COL5A1: variants seen among roughly 807,000 people sequenced by gnomAD.
COL5A1 encodes the protein collagen type V alpha 1 chain, also known as collagen alpha-1(V) chain.
A neutral mutation model predicts 263.7 loss-of-function variants in COL5A1; 16 were observed. The ratio of observed to expected loss-of-function variants is 0.06; its 90% CI spans 0.04 to 0.09. The LOEUF is 0.09. COL5A1 is among the 10% of genes least tolerant of loss of function. The pLI is 1.00. For missense variants in COL5A1, 2,036 were observed against 2,540.5 expected (o/e 0.80, Z 4.27); for synonymous variants, 1,012 against 1,004.5 (o/e 1.01, Z -0.14).
In COL5A1 at chr9:134,789,793, C is replaced by T. The variant is rs72774460; in HGVS notation, c.2700+585C>T. On this transcript the variant is annotated intron_variant, in intron 32 of 65. Transcript: ENST00000371817. This position sits in a 1 kb window ranked among gnomAD's most constrained non-coding sequence, Gnocchi z 4.8. ...TTCTCCCTGCACCTTCTGGAGCCCC[C>T]GCTGGCCCAGGCCTCCCTGCAGGAG... is the stretch of plus-strand genomic sequence containing the variant. 0.065 allele frequency among the ~76,000 whole-genome samples: 9,854 copies of T among 152,254 alleles called. 593 individuals carry two copies. Among genetic ancestry groups the T allele is most frequent in the African/African-American group, 0.16 (6,597 of 41,514 alleles).
chr9:134,764,476 A>G (rs1344744417), intron 20 of COL5A1, among the ~76,000 whole-genome samples: 1 of 152,008 alleles, frequency 6.6e-6, no homozygotes, highest in Non-Finnish European at 1.5e-5. Flanking sequence ...CCACCCTTCC[A>G]GAGGCAGATT....
Position 134,758,143 on chromosome 9 carries a change from C to T in COL5A1, c.1882-100C>T, listed in dbSNP as rs558143846. 45 of 1,204,726 alleles carry T rather than the reference C, an allele frequency of 3.7e-5. No individual in the cohort carries two copies. Among genetic ancestry groups the T allele is most frequent in the South Asian group, 2.2e-4 (18 of 82,640 alleles). 74.6% of individuals were successfully genotyped at this position (1,204,726 alleles called of 1,614,324 possible). On this transcript the variant is annotated intron_variant, in intron 17 of 65. Transcript: ENST00000371817. This position sits in a 1 kb window ranked among gnomAD's most constrained non-coding sequence, Gnocchi z 4.1. Reference sequence around the variant, plus strand: ...CAGGGTGCATAGATGCTGTGTGAAACGTGGTCCAAGGCGGGGCGGCCATCA... The same window carrying T: ...CAGGGTGCATAGATGCTGTGTGAAATGTGGTCCAAGGCGGGGCGGCCATCA...
At chr9:134,746,448 G>A (rs1835515970) in intron 11 of COL5A1, among the ~76,000 whole-genome samples, 1 of 152,234 alleles carries the variant, frequency 6.6e-6, no homozygotes, top group Non-Finnish European at 1.5e-5. Context: ...AAGAGGCCTT[G>A]TGCCTCTCCC....
chr9:134,808,159 G>A (rs1341120082), intron 42 of COL5A1, among the ~76,000 whole-genome samples: 1 of 152,170 alleles, frequency 6.6e-6, no homozygotes, highest in African/African-American at 2.4e-5. Context: ...ATGGTAAGAC[G>A]AAATAGTGAT....
chr9:134,690,367 G>T (rs1355647112), intron 1 of COL5A1, among the ~76,000 whole-genome samples: 2 of 152,172 alleles, frequency 1.3e-5, no homozygotes, highest in African/African-American at 4.8e-5. Flanking sequence ...GGCCTCAGGT[G>T]GGGTGAAGGT....
rs551040663 is a variant in COL5A1, at chr9:134,659,780, C to T, written c.109+17484C>T. ...CCACAGGCGCCCCGAGTACCGTCCT[C>T]GATGAGATCTGCGGATTAGATCTGG... On this transcript the variant is annotated intron_variant, in intron 1 of 65. Transcript: ENST00000371817. Among the ~76,000 whole-genome samples the T allele has an allele frequency of 2.0e-3, 301 of 152,266 alleles. 1 individual carries two copies. The highest frequency in any genetic ancestry group is 6.9e-3 in the African/African-American group (288 of 41,556).
rs1001641990 is a variant in COL5A1, at chr9:134,822,859, C to T, written c.4609-139C>T. 6.1e-6 allele frequency: 6 copies of T among 991,734 alleles called. No individual in the cohort carries two copies. In the African/African-American group the frequency reaches 8.0e-5, roughly 13 times the overall value. 61.4% of individuals were successfully genotyped at this position (991,734 alleles called of 1,614,324 possible). A position where few individuals can be genotyped will look rare whatever the true frequency, so the allele number is the denominator to read the frequency against. On this transcript the variant is annotated intron_variant, in intron 59 of 65. Coordinates refer to ENST00000371817, the MANE Select transcript of COL5A1 (RefSeq NM_000093.5). ...CGACCCTCCTCCCACTCTAGCCGGG[C>T]AAATACAAGCATAGACTCTTGAGGG...
intron 6 of COL5A1, among the ~76,000 whole-genome samples, chr9:134,729,222 G>A (rs918853633): frequency 2.0e-5 from 3 of 152,184 alleles, no homozygotes; most frequent in African/African-American, 7.2e-5. Context: ...GGTCGGCCTC[G>A]GGTCCTCCCC....
chr9:134,734,978 A>T (rs1835045995), intron 9 of COL5A1, among the ~76,000 whole-genome samples: 1 of 152,126 alleles, frequency 6.6e-6, no homozygotes, highest in African/African-American at 2.4e-5. Flanking sequence ...TGGGAGGCTG[A>T]GGCAGGCAGA....
chr9:134,797,882 C>A (rs541322403), intron 36 of COL5A1, among the ~76,000 whole-genome samples: 3 of 152,356 alleles, frequency 2.0e-5, no homozygotes, highest in African/African-American at 7.2e-5. Context: ...CTGGCAAAAA[C>A]CCCATTTCCA....
At position 134,677,675 on chromosome 9, in the gene COL5A1, C is replaced by A. The variant is rs946114049; in HGVS notation, c.110-13237C>A. Among the ~76,000 whole-genome samples the A allele has an allele frequency of 1.3e-5, 2 of 152,230 alleles. No homozygotes were observed. The highest frequency in any genetic ancestry group is 2.9e-5 in the Non-Finnish European group (2 of 68,040). On this transcript the variant is annotated intron_variant, in intron 1 of 65. Coordinates refer to ENST00000371817, the MANE Select transcript of COL5A1 (RefSeq NM_000093.5). The surrounding 1 kb of genome is among the most constrained non-coding windows in gnomAD (Gnocchi z 4.4). ...CGCCCTTTTCCATCCTGTAGTGAGC[C>A]ATCTGTCTATATCCATCCCTCCATC...
chr9:134,680,796 C>T lies in COL5A1; in HGVS notation c.110-10116C>T, dbSNP rs527301903. Among the ~76,000 whole-genome samples, 5 of 152,320 alleles carry T rather than the reference C, an allele frequency of 3.3e-5. No homozygotes were observed. Among genetic ancestry groups the T allele is most frequent in the African/African-American group, 9.6e-5 (4 of 41,574 alleles). On this transcript the variant is annotated intron_variant, in intron 1 of 65. Coordinates refer to ENST00000371817, the MANE Select transcript of COL5A1 (RefSeq NM_000093.5). This position sits in a 1 kb window ranked among gnomAD's most constrained non-coding sequence, Gnocchi z 5.9. ...GCAGAAGGACGGGTGAGGGCCGGGA[C>T]TTTGACATCAGGCAGAGGAGTTGGA... is the stretch of plus-strand genomic sequence containing the variant.
rs1177952371 is a variant in COL5A1 at position 134,844,533 on chromosome 9, C to G, written c.*2230C>G. On this transcript the variant is annotated 3_prime_UTR_variant, in exon 66 of 66. Transcript: ENST00000371817. ...ACAGTATATTGCAATAAAATTACTT[C>G]TTATATTTGCAGAAATTCTTTTGGT... 1 of 152,254 alleles carries G rather than the reference C, an allele frequency of 6.6e-6. No individual in the cohort carries two copies. The highest frequency in any genetic ancestry group is 2.1e-4 in the South Asian group (1 of 4,830). The allele number at this position is 152,254 out of a possible 1,614,324, so 9.4% of individuals were successfully genotyped here. A position where few individuals can be genotyped will look rare whatever the true frequency, so the allele number is the denominator to read the frequency against.
chr9:134,801,765 C>T (rs977421762), intron 37 of COL5A1, among the ~76,000 whole-genome samples, 189 bp from the exon 38 acceptor site: 11 of 147,726 alleles, frequency 7.4e-5, no homozygotes, highest in South Asian at 2.1e-4. Flanking sequence ...CCAGCCTGGG[C>T]GACAGAGCGA....
intron 25 of COL5A1, among the ~76,000 whole-genome samples, chr9:134,769,699 G>A (rs1836805166): frequency 6.6e-6 from 1 of 152,150 alleles, no homozygotes; most frequent in East Asian, 1.9e-4. Context: ...GGGAGGAAGG[G>A]GACCTGGGTG....
chr9:134,717,452 C>T (rs1001119971), intron 4 of COL5A1, among the ~76,000 whole-genome samples: 4 of 152,190 alleles, frequency 2.6e-5, no homozygotes, highest in African/African-American at 9.6e-5. Context: ...TGCGAACACA[C>T]CTGAGATCAC....
intron 1 of COL5A1, among the ~76,000 whole-genome samples, chr9:134,661,437 G>A (rs75215125): frequency 0.011 from 1,727 of 151,946 alleles, 28 homozygotes; most frequent in African/African-American, 0.039. Context: ...GGCAGATGCT[G>A]ACGGATGGGC....
intron 27 of COL5A1, among the ~76,000 whole-genome samples, chr9:134,776,158 T>G (rs1588535886): frequency 6.6e-6 from 1 of 152,142 alleles, no homozygotes; most frequent in African/African-American, 2.4e-5. Flanking sequence ...CTCCCAACGG[T>G]TGGGAGCCTT....
rs1349903029 is a variant in COL5A1, at chr9:134,680,294, C to T, written c.110-10618C>T. On this transcript the variant is annotated intron_variant, in intron 1 of 65. Transcript: ENST00000371817. This position sits in a 1 kb window ranked among gnomAD's most constrained non-coding sequence, Gnocchi z 5.9. ...CATTTTCTCACCCTGTGAAACACTGCGGGTCGGTGCACAGGTGTCTGGATG... is the reference window on the plus strand; with the variant it reads ...CATTTTCTCACCCTGTGAAACACTGTGGGTCGGTGCACAGGTGTCTGGATG... 6.6e-6 allele frequency among the ~76,000 whole-genome samples: 1 copy of T among 152,192 alleles called. No individual in the cohort carries two copies. Among genetic ancestry groups the T allele is most frequent in the Non-Finnish European group, 1.5e-5 (1 of 68,028 alleles).
Sources: allele counts gnomAD v4.1 joint callset (sites outside exome capture counted in the v4.1 genomes callset), GRCh38; gene constraint gnomAD v4.1.1; non-coding constraint Gnocchi (gnomAD v3.1); transcripts MANE v1.5; gene names NCBI Gene and HGNC (gene_info 2026-07-23, HGNC 2026-07-21).